Variants in ARHGEF28 observed in about 807,000 individuals in gnomAD.
ARHGEF28 encodes Rho guanine nucleotide exchange factor 28.
Under a neutral mutation model 206.6 loss-of-function variants are expected in ARHGEF28, and 152 were observed. The observed-to-expected ratio is 0.74, with a 90% CI of 0.64 to 0.84. The LOEUF is 0.84. Ranked by LOEUF, ARHGEF28 falls within the 40% of genes least tolerant of loss-of-function variation. The pLI, the probability that ARHGEF28 is intolerant of heterozygous loss-of-function variation, is 0.00. For missense variants in ARHGEF28, 2,028 were observed against 2,073.2 expected (o/e 0.98, Z 0.42); for synonymous variants, 763 against 776.4 (o/e 0.98, Z 0.29).
In ARHGEF28 at chr5:73,861,203, T is replaced by C. The variant is rs563916052; in HGVS notation, c.2047+2984T>C. Among the ~76,000 whole-genome samples the C allele has an allele frequency of 3.3e-5, 5 of 152,318 alleles. No homozygotes were observed. The East Asian group carries it at 9.6e-4, about 29-fold the overall frequency. On this transcript the variant is annotated intron_variant, in intron 16 of 35. Coordinates refer to ENST00000513042, the MANE Select transcript of ARHGEF28 (RefSeq NM_001177693.2). ...TGCAGAGCTGGCGACCAGTAAAGCC[T>C]AGGGAGCCAGGGCTCACTGAAAGGG...
chr5:73,927,561 G>C (rs1441142823), intron 35 of ARHGEF28, among the ~76,000 whole-genome samples: 4 of 152,164 alleles, frequency 2.6e-5, no homozygotes, highest in African/African-American at 9.6e-5. Flanking sequence ...GTCTTAGTAG[G>C]TTGCCCAGGC....
At chr5:73,745,251 T>C (rs1475957720) in intron 2 of ARHGEF28, among the ~76,000 whole-genome samples, 1 of 151,978 alleles carries the variant, frequency 6.6e-6, no homozygotes, top group African/African-American at 2.4e-5. Context: ...AAAACATGAG[T>C]ACAGGAATAC....
rs1487970605 is a variant in ARHGEF28, at chr5:73,892,039, C to T, written c.3388-13C>T. ...GATGCTGTTTCATCTGCTCACCTTC[C>T]TATTTTATGTAGGATCAGAAGCCAT... On this transcript the variant is annotated splice_polypyrimidine_tract_variant and intron_variant, in intron 26 of 35. Transcript: ENST00000513042. 1 of 1,592,166 alleles carries T rather than the reference C, an allele frequency of 6.3e-7. No homozygotes were observed. The highest frequency in any genetic ancestry group is 1.7e-5 in the Admixed American group (1 of 57,260).
chr5:73,726,653 A>G (rs1004712129), intron 2 of ARHGEF28, among the ~76,000 whole-genome samples: 3 of 152,220 alleles, frequency 2.0e-5, no homozygotes, highest in Non-Finnish European at 2.9e-5. Flanking sequence ...ATAGCGTTTC[A>G]GGGTGACTTT....
intron 1 of ARHGEF28, among the ~76,000 whole-genome samples, chr5:73,658,114 T>A (rs1339718953): frequency 6.6e-6 from 1 of 150,904 alleles, no homozygotes; most frequent in East Asian, 1.9e-4. Context: ...AATCCATTAT[T>A]TGGGTAGAAA....
At chr5:73,703,589 T>C (rs1748727009) in intron 2 of ARHGEF28, among the ~76,000 whole-genome samples, 1 of 152,156 alleles carries the variant, frequency 6.6e-6, no homozygotes, top group African/African-American at 2.4e-5. Flanking sequence ...CTTTCCTCTC[T>C]CTCTTTAATT....
At chr5:73,651,362 C>A (rs1239384048) in intron 1 of ARHGEF28, among the ~76,000 whole-genome samples, 3 of 152,210 alleles carry the variant, frequency 2.0e-5, no homozygotes, top group African/African-American at 7.2e-5. Context: ...TATGTTGAAG[C>A]AACTCCAGAT....
intron 35 of ARHGEF28, among the ~76,000 whole-genome samples, chr5:73,924,825 C>G (rs909046866): frequency 6.6e-6 from 1 of 152,198 alleles, no homozygotes; most frequent in Non-Finnish European, 1.5e-5. Context: ...CTTCCCAAAC[C>G]CTTTCAACCA....
chr5:73,854,605 C>T (rs1319875986), intron 14 of ARHGEF28, among the ~76,000 whole-genome samples: 3 of 151,894 alleles, frequency 2.0e-5, no homozygotes, highest in East Asian at 1.9e-4. Flanking sequence ...CAGAGGCGGG[C>T]GGATCATCTG....
chr5:73,632,128 T>C (rs1743407239), intron 1 of ARHGEF28, among the ~76,000 whole-genome samples: 1 of 152,190 alleles, frequency 6.6e-6, no homozygotes, highest in Non-Finnish European at 1.5e-5. Context: ...CAAGTCCTTC[T>C]TGTTTGCAGC....
At chr5:73,808,716 G>A (rs1460697595) in intron 9 of ARHGEF28, among the ~76,000 whole-genome samples, 1 of 152,018 alleles carries the variant, frequency 6.6e-6, no homozygotes, top group Non-Finnish European at 1.5e-5. Context: ...CCTTTTATCT[G>A]GATATTTTAT....
At chr5:73,853,369 CAT>C (rs1464954773) in intron 14 of ARHGEF28, among the ~76,000 whole-genome samples, 6 of 152,302 alleles carry the variant, frequency 3.9e-5, no homozygotes, top group Admixed American at 2.6e-4. Context: ...GAATGGCACA[CAT>C]GTTTGACTTT....
intron 29 of ARHGEF28, among the ~76,000 whole-genome samples, chr5:73,897,219 T>C (rs1414220527): frequency 2.0e-5 from 3 of 152,200 alleles, no homozygotes; most frequent in African/African-American, 2.4e-5. Flanking sequence ...TCCTCCTCCA[T>C]GCTGCAGTAG....
At chr5:73,795,295 A>G (rs1561409374) in intron 8 of ARHGEF28, 36 bp from the exon 9 acceptor site, 2 of 1,598,946 alleles carry the variant, frequency 1.3e-6, no homozygotes, top group African/African-American at 2.7e-5. Context: ...CATATATGTA[A>G]TTTTTTAAAA....
intron 2 of ARHGEF28, among the ~76,000 whole-genome samples, chr5:73,711,171 G>A (rs56166642): frequency 0.2 from 30,332 of 151,996 alleles, 3,217 homozygotes; most frequent in Non-Finnish European, 0.23. Context: ...TATAGGCTAT[G>A]TACCGTGTTT....
Position 73,876,915 on chromosome 5 carries a change from T to A in ARHGEF28, c.2814+3669T>A, listed in dbSNP as rs1291003610. Among the ~76,000 whole-genome samples the A allele has an allele frequency of 2.1e-3, 314 of 147,124 alleles. 8 individuals carry two copies. The East Asian group carries it at 0.057, about 27-fold the overall frequency. ...GTTGTGTCTCTGCCAGGCTTTGGTA[T>A]CAGGATGATGCTGGCCTCATAAAAT... On this transcript the variant is annotated intron_variant, in intron 22 of 35. Coordinates refer to ENST00000513042, the MANE Select transcript of ARHGEF28 (RefSeq NM_001177693.2).
At chr5:73,800,483 C>T (rs1421697413) in intron 9 of ARHGEF28, among the ~76,000 whole-genome samples, 8 of 151,986 alleles carry the variant, frequency 5.3e-5, no homozygotes, top group Admixed American at 1.3e-4. Context: ...TTTAATACTT[C>T]GGGTTACTTC....
chr5:73,886,092 G>T lies in ARHGEF28; in HGVS notation c.3298G>T (p.Gly1100Cys), dbSNP rs1761272844. 6.2e-7 allele frequency: 1 copy of T among 1,612,280 alleles called. No individual in the cohort carries two copies. The highest frequency in any genetic ancestry group is 1.3e-5 in the African/African-American group (1 of 74,834). The change falls in exon 25 of 36, where the codon GGT becomes TGT. Residue 1100 changes from glycine to cysteine, a missense_variant. This residue lies in a region of ARHGEF28 where 803 missense variants were observed against 768.0 expected (regional missense o/e 1.05). Transcript: ENST00000513042. Reference sequence around the variant, plus strand: ...CCTTGTTTACTGGAAAACTGCTACAGGTCGTTTCAAAGGTACTGTGGCTCT... The same window carrying T: ...CCTTGTTTACTGGAAAACTGCTACATGTCGTTTCAAAGGTACTGTGGCTCT... ...DGLVYWKTAT[G>C]RFKDILALLL...
intron 4 of ARHGEF28, among the ~76,000 whole-genome samples, chr5:73,767,767 G>T (rs968826568): frequency 2.0e-5 from 3 of 152,190 alleles, no homozygotes; most frequent in African/African-American, 4.8e-5. Context: ...GCAGAAATTT[G>T]TATAAGTAAT....
Sources: allele counts gnomAD v4.1 joint callset (sites outside exome capture counted in the v4.1 genomes callset), GRCh38; gene constraint gnomAD v4.1.1; regional missense constraint gnomAD v4.1.1; transcripts MANE v1.5; gene names NCBI Gene and HGNC (gene_info 2026-07-23, HGNC 2026-07-21).